The following WWP2 variants were observed in gnomAD, a reference collection of about 807,000 sequenced individuals.
The protein encoded by WWP2 is NEDD4-like E3 ubiquitin-protein ligase WWP2.
A neutral mutation model predicts 121.0 loss-of-function variants in WWP2; 57 were observed. The observed-to-expected ratio is 0.47, with a 90% confidence interval of 0.38 to 0.59. WWP2 has a LOEUF of 0.59. WWP2 is among the 20% of genes least tolerant of loss of function. The pLI is 0.00. For synonymous variants in WWP2, 449 were observed against 441.3 expected, an observed-to-expected ratio of 1.02 and a Z score of -0.22; for missense variants, 962 against 1,158.9, an observed-to-expected ratio of 0.83 and a Z score of 2.47.
chr16:69,773,602 T>C (rs1430445429), intron 1 of WWP2, among the ~76,000 whole-genome samples: 3 of 152,132 alleles, frequency 2.0e-5, no homozygotes, highest in Admixed American at 2.0e-4. Flanking sequence ...CACCTCAGCC[T>C]CCTGAGTAGC....
intron 9 of WWP2, chr16:69,909,486 C>T (rs985664469): frequency 1.2e-5 from 12 of 985,440 alleles, no homozygotes; most frequent in East Asian, 1.1e-4. Context: ...AGCTGTCAGG[C>T]GTGTGCCACA....
At chr16:69,787,211 T>A (rs1014907726) in intron 2 of WWP2, 131 bp downstream of exon 2, 52 of 573,996 alleles carry the variant, frequency 9.1e-5, no homozygotes, top group South Asian at 7.2e-4. Flanking sequence ...TCTCATGGGA[T>A]TGTCATCTTG....
In WWP2 at chr16:69,917,805, C is replaced by T; in HGVS notation, c.1101C>T (p.Arg367=). 6.2e-7 allele frequency: 1 copy of T among 1,614,112 alleles called. No individual in the cohort carries two copies. The highest frequency in any genetic ancestry group is 1.1e-5 in the South Asian group (1 of 91,086). ...TWQRPTAEYV[R]NYEQWQSQRN... ...AGCGTCCGACCGCGGAGTACGTGCG[C>T]AACTATGAGCAGTGGCAGTCGCAGC... Residue 367 remains arginine, a synonymous_variant, in exon 10 of 24, where the codon CGC becomes CGT. Transcript: ENST00000359154.
intron 8 of WWP2, among the ~76,000 whole-genome samples, chr16:69,893,858 C>G (rs560907071): frequency 4.6e-5 from 7 of 151,928 alleles, no homozygotes; most frequent in Non-Finnish European, 7.4e-5. Context: ...GAATGCTCTT[C>G]TCTGTTCATA....
chr16:69,798,619 C>G, intron 2 of WWP2, 63 bp from the exon 3 acceptor site: 1 of 1,540,094 alleles, frequency 6.5e-7, no homozygotes, highest in Non-Finnish European at 8.8e-7. Flanking sequence ...GGAACATCTG[C>G]CACAGGGGGG....
intron 6 of WWP2, among the ~76,000 whole-genome samples, chr16:69,843,908 G>C (rs1183658556): frequency 6.6e-6 from 1 of 152,068 alleles, no homozygotes; most frequent in Non-Finnish European, 1.5e-5. Context: ...TAGGGAGGGG[G>C]AATAATGCTT....
chr16:69,836,051 C>T lies in WWP2; in HGVS notation c.341-4075C>T, dbSNP rs548485297. Among the ~76,000 whole-genome samples, 8 of 152,258 alleles carry T rather than the reference C, an allele frequency of 5.3e-5. No individual in the cohort carries two copies. In the East Asian group the frequency reaches 1.5e-3, roughly 29 times the overall value. On this transcript the variant is annotated intron_variant, in intron 4 of 23. Transcript: ENST00000359154. ...CTCCTGGGCTCAGGTGATCCACCCACCTCGGCCTCCCAAAGTGCTGGGATT... is the reference window on the plus strand; with the variant it reads ...CTCCTGGGCTCAGGTGATCCACCCATCTCGGCCTCCCAAAGTGCTGGGATT...
Position 69,937,358 on chromosome 16 carries a change from T to C in WWP2, c.2238+120T>C, listed in dbSNP as rs2058815379. ...AAAACTCCCACTTCGGCAGGGCAGA[T>C]GGGTTTGATTTGGGACCCACCCTTC... On this transcript the variant is annotated intron_variant, in intron 20 of 23. Coordinates refer to ENST00000359154, the MANE Select transcript of WWP2 (RefSeq NM_001270454.2). This position sits in a 1 kb window ranked among gnomAD's most constrained non-coding sequence, Gnocchi z 6.6. The C allele has an allele frequency of 2.0e-6, 3 of 1,507,442 alleles. No individual in the cohort carries two copies. 93.4% of individuals were successfully genotyped at this position (1,507,442 alleles called of 1,614,324 possible).
chr16:69,908,770 G>A lies in WWP2; in HGVS notation c.924G>A (p.Gln308=). The change falls in exon 9 of 24, where the codon CAG becomes CAA. Residue 308 remains glutamine, a synonymous_variant. Coordinates refer to ENST00000359154, the MANE Select transcript of WWP2 (RefSeq NM_001270454.2). The part of the protein sequence containing the change: ...APDALPAGWE[Q]RELPNGRVYY... ...TGACTTTATTTTTCAGATGGGAACA[G>A]CGAGAGCTGCCCAACGGACGTGTCT... The A allele has an allele frequency of 2.5e-6, 4 of 1,614,200 alleles. No individual in the cohort carries two copies. The highest frequency in any genetic ancestry group is 3.4e-6 in the Non-Finnish European group (4 of 1,180,018).
intron 8 of WWP2, among the ~76,000 whole-genome samples, chr16:69,898,558 G>C (rs1295766458): frequency 6.6e-6 from 1 of 152,168 alleles, no homozygotes; most frequent in Non-Finnish European, 1.5e-5. Flanking sequence ...GAAGTTCCCT[G>C]ATTACTATTG....
intron 6 of WWP2, among the ~76,000 whole-genome samples, chr16:69,865,508 TA>T (rs1331549039): frequency 6.6e-6 from 1 of 152,174 alleles, no homozygotes; most frequent in African/African-American, 2.4e-5. Context: ...GCTTCATTTC[TA>T]AAGGGGGGGT....
At chr16:69,867,098 A>C (rs991239447) in intron 6 of WWP2, among the ~76,000 whole-genome samples, 1 of 149,968 alleles carries the variant, frequency 6.7e-6, no homozygotes, top group Admixed American at 6.6e-5. Context: ...AGCCTCCTGA[A>C]GTGCTGGGAT....
intron 4 of WWP2, among the ~76,000 whole-genome samples, chr16:69,802,631 C>T (rs533686790): frequency 2.7e-5 from 4 of 148,844 alleles, no homozygotes; most frequent in Non-Finnish European, 4.5e-5. Context: ...GACAGGGTCT[C>T]GCACTGTCGC....
intron 4 of WWP2, among the ~76,000 whole-genome samples, chr16:69,814,919 A>G (rs929197161): frequency 6.6e-6 from 1 of 152,218 alleles, no homozygotes; most frequent in Admixed American, 6.5e-5. Context: ...GGAGAAGAGA[A>G]GAAATTTTTA....
At chr16:69,889,902 C>A (rs900795742) in intron 8 of WWP2, among the ~76,000 whole-genome samples, 1 of 152,110 alleles carries the variant, frequency 6.6e-6, no homozygotes, top group African/African-American at 2.4e-5. Flanking sequence ...CTGTATTATT[C>A]TTTTTTTCAC....
At chr16:69,842,143 C>A in intron 6 of WWP2, 23 bp downstream of exon 6, 1 of 1,605,994 alleles carries the variant, frequency 6.2e-7, no homozygotes, top group Non-Finnish European at 8.5e-7. Flanking sequence ...TTGGTGAGGA[C>A]AAAGAGCTAA....
intron 2 of WWP2, among the ~76,000 whole-genome samples, chr16:69,793,475 G>T (rs532383032): frequency 6.6e-6 from 1 of 152,124 alleles, no homozygotes; most frequent in African/African-American, 2.4e-5. Flanking sequence ...AGTCTTCCTG[G>T]AGGCTCAGAG....
intron 8 of WWP2, among the ~76,000 whole-genome samples, chr16:69,898,726 G>A (rs190805529): frequency 2.0e-5 from 3 of 151,606 alleles, no homozygotes; most frequent in Non-Finnish European, 4.4e-5. Context: ...TTTTTGAGAC[G>A]GAGTTTCACT....
intron 4 of WWP2, among the ~76,000 whole-genome samples, chr16:69,801,402 T>G (rs558577630): frequency 2.6e-5 from 4 of 151,906 alleles, no homozygotes; most frequent in Non-Finnish European, 4.4e-5. Context: ...GGCCTGGCTG[T>G]ATTTCATATT....
Sources: gnomAD v4.1 joint callset for allele counts (sites outside exome capture counted in the v4.1 genomes callset) on GRCh38, gnomAD v4.1.1 for gene constraint, Gnocchi (gnomAD v3.1) non-coding constraint, MANE v1.5 for transcripts, NCBI Gene and HGNC (gene_info 2026-07-23, HGNC 2026-07-21) for gene names.